Variants in ANKRD31 observed in about 807,000 individuals in gnomAD.
ANKRD31 encodes the protein ankyrin repeat domain-containing protein 31.
A neutral mutation model predicts 186.0 loss-of-function variants in ANKRD31; 147 were observed. The observed-to-expected ratio is 0.79, with a 90% CI of 0.69 to 0.91. The LOEUF (loss-of-function observed/expected upper bound fraction) is 0.91. Among genes scored for constraint, ANKRD31 ranks in the 40% least tolerant of loss-of-function variants. The pLI is 0.00. For missense variants in ANKRD31, 1,986 were observed against 2,148.8 expected (o/e 0.92, Z 1.50); for synonymous variants, 673 against 736.4 (o/e 0.91, Z 1.39).
intron 13 of ANKRD31, 52 bp from the exon 14 acceptor site, chr5:75,147,557 T>C (rs1751566117): frequency 1.8e-6 from 2 of 1,114,648 alleles, no homozygotes; most frequent in East Asian, 2.7e-5. Context: ...TAGTACTATA[T>C]CAATTCAATC....
At chr5:75,187,905 T>C (rs768991440) in intron 10 of ANKRD31, among the ~76,000 whole-genome samples, 1 of 152,122 alleles carries the variant, frequency 6.6e-6, no homozygotes, top group Non-Finnish European at 1.5e-5. Context: ...CAAGTATTGT[T>C]CAGTGTATTA....
chr5:75,205,146 G>A (rs148691122), intron 5 of ANKRD31, among the ~76,000 whole-genome samples: 134 of 152,338 alleles, frequency 8.8e-4, no homozygotes, highest in African/African-American at 3.2e-3. Flanking sequence ...GATTACAGGT[G>A]TGAGCCACCA....
At chr5:75,175,121 T>C (rs1753682115) in intron 10 of ANKRD31, among the ~76,000 whole-genome samples, 1 of 152,096 alleles carries the variant, frequency 6.6e-6, no homozygotes, top group Non-Finnish European at 1.5e-5. Context: ...GAGCAAACTA[T>C]CACAAGGACA....
At chr5:75,180,915 C>T (rs747153391) in intron 10 of ANKRD31, among the ~76,000 whole-genome samples, 2 of 151,848 alleles carry the variant, frequency 1.3e-5, no homozygotes, top group Admixed American at 6.6e-5. Flanking sequence ...TTCTGCACAG[C>T]AAAAGAAACC....
At chr5:75,090,850 A>C (rs566615581) in intron 23 of ANKRD31, among the ~76,000 whole-genome samples, 1 of 152,374 alleles carries the variant, frequency 6.6e-6, no homozygotes, top group South Asian at 2.1e-4. Context: ...TTTTGTATTT[A>C]GGAGATTTTG....
At chr5:75,180,772 T>C (rs1754223376) in intron 10 of ANKRD31, among the ~76,000 whole-genome samples, 2 of 152,062 alleles carry the variant, frequency 1.3e-5, no homozygotes, top group Admixed American at 1.3e-4. Context: ...CCTAAAACCA[T>C]AAAAACCCTA....
intron 12 of ANKRD31, 93 bp downstream of exon 12, chr5:75,154,105 CATG>C (rs1307196416): frequency 1.7e-6 from 2 of 1,196,028 alleles, no homozygotes; most frequent in African/African-American, 3.1e-5. Context: ...TCTCAACACT[CATG>C]AGAAAAATAA....
chr5:75,116,332 C>T (rs1387893161), intron 19 of ANKRD31, among the ~76,000 whole-genome samples: 10 of 151,552 alleles, frequency 6.6e-5, no homozygotes, highest in South Asian at 6.3e-4. Flanking sequence ...GTGGGTGCAG[C>T]GCACCAGCAT....
At position 75,192,788 on chromosome 5, in the gene ANKRD31, A is replaced by G; in HGVS notation, c.1299-12T>C. 1 of 1,511,728 alleles carries G rather than the reference A, an allele frequency of 6.6e-7. No homozygotes were observed. The highest frequency in any genetic ancestry group is 8.8e-7 in the Non-Finnish European group (1 of 1,131,452). 93.6% of individuals were successfully genotyped at this position (1,511,728 alleles called of 1,614,324 possible). On this transcript the variant is annotated splice_polypyrimidine_tract_variant and intron_variant, in intron 8 of 25. Transcript: ENST00000506364. The stretch of plus-strand genomic sequence containing the variant: ...CCGGATCCTGCATTCTTGAAAAACA[A>G]CGTATTTTTTAAATGGCTATAACGG...
chr5:75,108,504 C>T (rs1561429602), intron 20 of ANKRD31, among the ~76,000 whole-genome samples: 3 of 152,056 alleles, frequency 2.0e-5, no homozygotes, highest in African/African-American at 4.8e-5. Context: ...TTTTAAGCTA[C>T]TTGTTGTTTC....
intron 9 of ANKRD31, among the ~76,000 whole-genome samples, chr5:75,191,471 T>C (rs116158762): frequency 0.026 from 3,974 of 152,204 alleles, 158 homozygotes; most frequent in African/African-American, 0.091. Context: ...TTCAGAATTT[T>C]CTTGGCTAGT....
rs2150308453 is a variant in ANKRD31, at chr5:75,222,260, T to C, written c.277A>G (p.Thr93Ala). 1 of 1,534,544 alleles carries C rather than the reference T, an allele frequency of 6.5e-7. No homozygotes were observed. Residue 93 changes from threonine (T) to alanine (A), a missense_variant, in exon 3 of 26, where the codon ACA becomes GCA. By Grantham distance (58) the Thr-to-Ala change is moderately conservative. Transcript: ENST00000506364. ...NKMMPVLSED[T>A]ILQSQDETER... ...AACATGCTACACACCTGTAATATTG[T>C]ATCCTCGCTAAGAACAGGCATCATC...
intron 4 of ANKRD31, among the ~76,000 whole-genome samples, chr5:75,208,329 T>A (rs1756385566): frequency 6.6e-6 from 1 of 152,090 alleles, no homozygotes; most frequent in South Asian, 2.1e-4. Context: ...AATACGACGC[T>A]ATGGCAAGCT....
At chr5:75,157,224 T>C (rs891007335) in intron 11 of ANKRD31, among the ~76,000 whole-genome samples, 10 of 152,122 alleles carry the variant, frequency 6.6e-5, no homozygotes, top group South Asian at 2.1e-4. Context: ...GAAGGAAATA[T>C]AGAACAAGTT....
chr5:75,117,195 T>C (rs1052204415), intron 18 of ANKRD31, among the ~76,000 whole-genome samples: 5 of 152,136 alleles, frequency 3.3e-5, no homozygotes, highest in Non-Finnish European at 7.4e-5. Flanking sequence ...AAACAGTAGA[T>C]ATGTGGGAAT....
At chr5:75,235,325 A>T (rs6889372) in intron 1 of ANKRD31, among the ~76,000 whole-genome samples, 74,356 of 147,880 alleles carry the variant, frequency 0.5, 21,531 homozygotes, top group African/African-American at 0.81. Flanking sequence ...GGCTCATAGC[A>T]ACCTCTGCCT....
chr5:75,132,544 G>A (rs1415946501), intron 17 of ANKRD31, among the ~76,000 whole-genome samples: 1 of 152,176 alleles, frequency 6.6e-6, no homozygotes, highest in Admixed American at 6.5e-5. Flanking sequence ...CATCTGATCG[G>A]TGTACCTGAA....
chr5:75,090,440 A>G (rs995140866), intron 23 of ANKRD31, among the ~76,000 whole-genome samples: 2 of 152,158 alleles, frequency 1.3e-5, no homozygotes, highest in African/African-American at 4.8e-5. Flanking sequence ...CACAAAGGGG[A>G]CTGGGAGGGA....
rs57013241 is a variant in ANKRD31, at chr5:75,187,110, T to TTGTGTGTGTGTGTGTGTG, written c.1564+1365_1564+1382dup. Among the ~76,000 whole-genome samples the TTGTGTGTGTGTGTGTGTG allele has an allele frequency of 1.2e-3, 143 of 116,246 alleles. 1 individual carries two copies. The highest frequency in any genetic ancestry group is 6.2e-3 in the East Asian group (25 of 4,044). The allele number at this position is 116,246 out of a possible 152,430, so 76.3% of individuals were successfully genotyped here. ...AACAAACATTGCCGGTGATTCTGTT[T>TTGTGTGTGTGTGTGTGTG]TGTGTGTGTGTGTGTGTGTGTGTGT... On this transcript the variant is annotated intron_variant, in intron 10 of 25. Coordinates refer to ENST00000506364, the MANE Select transcript of ANKRD31 (RefSeq NM_001372053.1).
Sources: gnomAD v4.1 joint callset for allele counts (sites outside exome capture counted in the v4.1 genomes callset) on GRCh38, gnomAD v4.1.1 for gene constraint, MANE v1.5 for transcripts, NCBI Gene and HGNC (gene_info 2026-07-23, HGNC 2026-07-21) for gene names.